Variants in PDE8B observed in about 807,000 individuals in gnomAD.
PDE8B encodes the protein phosphodiesterase 8B.
Under a neutral mutation model 101.3 loss-of-function variants are expected in PDE8B, and 26 were observed. The observed-to-expected ratio is 0.26, with a 90% CI of 0.19 to 0.36. The LOEUF (loss-of-function observed/expected upper bound fraction) is 0.36, where lower values mean the gene tolerates loss of function less well. Ranked by LOEUF, PDE8B falls within the 10% of genes least tolerant of loss-of-function variation. The pLI is 1.00. For synonymous variants in PDE8B, 424 were observed against 429.3 expected (o/e 0.99, Z 0.15); for missense variants, 810 against 1,163.1 (o/e 0.70, Z 4.42).
chr5:77,132,404 G>C, the PDE8B span, among the ~76,000 whole-genome samples: 1 of 152,118 alleles, frequency 6.6e-6, no homozygotes, highest in Non-Finnish European at 1.5e-5. Flanking sequence ...TCTCAATATA[G>C]TTATAGGACA....
intron 10 of PDE8B, among the ~76,000 whole-genome samples, chr5:77,381,245 G>A (rs1787395295): frequency 1.3e-5 from 2 of 152,208 alleles, no homozygotes; most frequent in African/African-American, 4.8e-5. Context: ...AATAGACTGG[G>A]TTGGGCAGGT....
chr5:77,162,553 G>A, the PDE8B span, among the ~76,000 whole-genome samples: 1 of 152,102 alleles, frequency 6.6e-6, no homozygotes, highest in East Asian at 1.9e-4. Flanking sequence ...AATAAATGTG[G>A]TACTAGGGAA....
At position 77,423,632 on chromosome 5, in the gene PDE8B, G is replaced by GTTTTT. The variant is rs71594634; in HGVS notation, c.2418+1667_2418+1671dup. ...TGATGCTGGACTTTTGTTTTGTTTA[G>GTTTTT]TTTTTTTTTTTTTTTTTTTTTTTTT... On this transcript the variant is annotated intron_variant, in intron 20 of 21. Transcript: ENST00000264917. 4.2e-3 allele frequency among the ~76,000 whole-genome samples: 309 copies of GTTTTT among 74,026 alleles called. 55 individuals carry two copies. The highest frequency in any genetic ancestry group is 5.1e-3 in the Non-Finnish European group (197 of 38,400). 48.6% of individuals were successfully genotyped at this position (74,026 alleles called of 152,430 possible).
At chr5:77,273,545 T>A (rs1763199469) in intron 1 of PDE8B, among the ~76,000 whole-genome samples, 1 of 152,178 alleles carries the variant, frequency 6.6e-6, no homozygotes, top group East Asian at 1.9e-4. Context: ...AACACAACAA[T>A]GTGAGATGCT....
chr5:77,208,230 C>T (rs1206381765), upstream of PDE8B, among the ~76,000 whole-genome samples: 3 of 152,152 alleles, frequency 2.0e-5, no homozygotes, highest in Non-Finnish European at 4.4e-5. Context: ...TTCAAAGCCT[C>T]AGTGAGTGAC....
At chr5:77,091,568 G>T in the PDE8B span, among the ~76,000 whole-genome samples, 1 of 152,106 alleles carries the variant, frequency 6.6e-6, no homozygotes, top group Non-Finnish European at 1.5e-5. Flanking sequence ...CTTGAACCCG[G>T]AGGCGGAGGT....
At chr5:77,097,732 T>TATATATATATACAC in the PDE8B span, among the ~76,000 whole-genome samples, 5 of 65,236 alleles carry the variant, frequency 7.7e-5, no homozygotes, top group African/African-American at 2.0e-4. Context: ...TATATATATA[T>TATATATATATACAC]ACATACATAT....
At chr5:77,207,859 A>T (rs1464465538), upstream of PDE8B, among the ~76,000 whole-genome samples, 1 of 152,136 alleles carries the variant, frequency 6.6e-6, no homozygotes, top group Non-Finnish European at 1.5e-5. Context: ...TTTTTCTTTC[A>T]CTAAGCCAGA....
chr5:77,406,390 TATAAAG>T (rs1183870665), intron 12 of PDE8B, among the ~76,000 whole-genome samples: 5 of 152,184 alleles, frequency 3.3e-5, no homozygotes, highest in African/African-American at 1.2e-4. Flanking sequence ...TAACCAATAA[TATAAAG>T]AGAATATGAA....
At chr5:77,388,849 C>A (rs576531343) in intron 10 of PDE8B, among the ~76,000 whole-genome samples, 1 of 152,172 alleles carries the variant, frequency 6.6e-6, no homozygotes, top group East Asian at 1.9e-4. Flanking sequence ...GTTCGAACTT[C>A]CTGGTGGCTT....
At chr5:77,160,667 T>C in the PDE8B span, among the ~76,000 whole-genome samples, 125 of 152,304 alleles carry the variant, frequency 8.2e-4, no homozygotes, top group African/African-American at 2.9e-3. Context: ...TTAGTTTAGT[T>C]TTGAGACAGT....
Position 77,331,467 on chromosome 5 carries a change from C to G in PDE8B, c.708+8C>G, listed in dbSNP as rs1777109546. 1.2e-6 allele frequency: 2 copies of G among 1,606,624 alleles called. No individual in the cohort carries two copies. ...CACGCAGGCTTCAACAGGGTATGTA[C>G]AAGATATCCAGCATCTCTCTCAGTT... On this transcript the variant is annotated splice_region_variant and intron_variant, in intron 5 of 21. Coordinates refer to ENST00000264917, the MANE Select transcript of PDE8B (RefSeq NM_003719.5).
At chr5:77,291,377 G>C in intron 1 of PDE8B, 1 of 1,611,966 alleles carries the variant, frequency 6.2e-7, no homozygotes, top group Non-Finnish European at 8.5e-7. Flanking sequence ...TGGTCTATGG[G>C]GGCAAGGTTA....
chr5:77,377,805 C>T (rs1343711022), intron 10 of PDE8B, among the ~76,000 whole-genome samples: 1 of 152,156 alleles, frequency 6.6e-6, no homozygotes, highest in African/African-American at 2.4e-5. Context: ...GCCCTTGCTT[C>T]TTAAGCTGGG....
the PDE8B span, among the ~76,000 whole-genome samples, chr5:77,091,163 T>C: frequency 6.6e-6 from 1 of 152,184 alleles, no homozygotes; most frequent in Admixed American, 6.5e-5. Context: ...TAATTAGTGA[T>C]GTCGAGTAGA....
chr5:77,203,628 AC>A, the PDE8B span, among the ~76,000 whole-genome samples: 2 of 152,026 alleles, frequency 1.3e-5, no homozygotes, highest in Non-Finnish European at 2.9e-5. Context: ...CCCCAGTCTC[AC>A]TCTATCACAT....
At chr5:77,424,864 A>T (rs543999601) in intron 20 of PDE8B, among the ~76,000 whole-genome samples, 26 of 149,636 alleles carry the variant, frequency 1.7e-4, no homozygotes, top group African/African-American at 6.1e-4. Context: ...CTCACTCTGT[A>T]ACCCAAACTG....
At chr5:77,179,811 T>G in the PDE8B span, among the ~76,000 whole-genome samples, 2 of 152,162 alleles carry the variant, frequency 1.3e-5, no homozygotes, top group Non-Finnish European at 2.9e-5. Flanking sequence ...TCCTCCCGCC[T>G]TGGCCTCTCA....
intron 10 of PDE8B, among the ~76,000 whole-genome samples, chr5:77,376,412 A>G (rs1786145431): frequency 1.3e-5 from 2 of 152,188 alleles, no homozygotes; most frequent in African/African-American, 4.8e-5. Context: ...CAGTGCCTAG[A>G]AAATTGCCTA....
Sources: allele counts gnomAD v4.1 joint callset (sites outside exome capture counted in the v4.1 genomes callset), GRCh38; gene constraint gnomAD v4.1.1; transcripts MANE v1.5; gene names NCBI Gene and HGNC (gene_info 2026-07-23, HGNC 2026-07-21).